The following NBEA variants were observed in gnomAD, a reference collection of about 807,000 sequenced individuals.
NBEA encodes neurobeachin.
Under a neutral mutation model 343.4 loss-of-function variants are expected in NBEA, and 44 were observed. The ratio of observed to expected loss-of-function variants is 0.13; its 90% CI spans 0.10 to 0.16. The LOEUF (loss-of-function observed/expected upper bound fraction) is 0.16, where lower values mean the gene tolerates loss of function less well. Among genes scored for constraint, NBEA ranks in the 10% least tolerant of loss-of-function variants. NBEA has a pLI of 1.00. For synonymous variants in NBEA, 1,175 were observed against 1,238.7 expected, an observed-to-expected ratio of 0.95 and a Z score of 1.08; for missense variants, 2,555 against 3,631.3, an observed-to-expected ratio of 0.70 and a Z score of 7.62.
chr13:35,646,020 C>G, intron 50 of NBEA, 89 bp downstream of exon 50: 1 of 873,824 alleles, frequency 1.1e-6, no homozygotes, highest in South Asian at 1.7e-5. Context: ...CATTTAACCC[C>G]AGCTTCTGGG....
At chr13:35,153,861 C>A (rs2068962810) in intron 18 of NBEA, among the ~76,000 whole-genome samples, 1 of 152,128 alleles carries the variant, frequency 6.6e-6, no homozygotes, top group Non-Finnish European at 1.5e-5. Flanking sequence ...GGATCTCATC[C>A]ACTGGGCTAT....
intron 31 of NBEA, among the ~76,000 whole-genome samples, chr13:35,204,270 TTTG>T (rs1168206772): frequency 1.3e-5 from 2 of 152,116 alleles, no homozygotes; most frequent in Admixed American, 1.3e-4. Flanking sequence ...ACTGTATTAG[TTTG>T]TTTTCACACT....
chr13:35,092,828 C>A (rs1014551205), intron 10 of NBEA, among the ~76,000 whole-genome samples: 2 of 151,958 alleles, frequency 1.3e-5, no homozygotes, highest in African/African-American at 4.8e-5. Context: ...TATAGTTCAG[C>A]CTTTCTACTC....
At chr13:35,518,064 A>G (rs909576669) in intron 41 of NBEA, among the ~76,000 whole-genome samples, 5 of 152,246 alleles carry the variant, frequency 3.3e-5, no homozygotes, top group African/African-American at 1.2e-4. Context: ...ATTTATTATC[A>G]TAATAGTTAC....
chr13:35,351,278 T>A (rs1270231110), intron 37 of NBEA, among the ~76,000 whole-genome samples: 1 of 151,998 alleles, frequency 6.6e-6, no homozygotes, highest in East Asian at 1.9e-4. Context: ...TTATATTACT[T>A]GTATTACACA....
intron 17 of NBEA, among the ~76,000 whole-genome samples, chr13:35,136,820 T>A (rs1486733415): frequency 6.6e-6 from 1 of 152,106 alleles, no homozygotes; most frequent in Admixed American, 6.6e-5. Context: ...TTGAATGGCA[T>A]CCCCAGTCAA....
chr13:35,214,732 T>G (rs2073968966), intron 33 of NBEA, among the ~76,000 whole-genome samples: 1 of 151,828 alleles, frequency 6.6e-6, no homozygotes, highest in Non-Finnish European at 1.5e-5. Context: ...CTTTTATGAT[T>G]TGTGCCATTT....
chr13:35,301,309 A>T (rs976237797), intron 35 of NBEA, among the ~76,000 whole-genome samples: 2 of 151,930 alleles, frequency 1.3e-5, no homozygotes, highest in Admixed American at 1.3e-4. Flanking sequence ...CGCATGCATT[A>T]GGTATTTGTC....
At chr13:35,353,287 T>G (rs1245720845) in intron 38 of NBEA, among the ~76,000 whole-genome samples, 1 of 152,036 alleles carries the variant, frequency 6.6e-6, no homozygotes, top group African/African-American at 2.4e-5. Flanking sequence ...ACACAAAAAT[T>G]AGCCAGGCGT....
chr13:35,633,780 G>T (rs556246088), intron 49 of NBEA, among the ~76,000 whole-genome samples: 84 of 152,034 alleles, frequency 5.5e-4, no homozygotes, highest in Non-Finnish European at 8.7e-4. Context: ...TATCTTAGAA[G>T]AACTTTTGTT....
chr13:35,580,950 A>C (rs578027007), intron 45 of NBEA, among the ~76,000 whole-genome samples: 232 of 152,328 alleles, frequency 1.5e-3, no homozygotes, highest in African/African-American at 5.2e-3. Flanking sequence ...GAGAAGATTG[A>C]AAAAGATTAG....
chr13:35,116,520 A>T (rs982113486), intron 13 of NBEA, among the ~76,000 whole-genome samples: 1 of 152,088 alleles, frequency 6.6e-6, no homozygotes, highest in African/African-American at 2.4e-5. Context: ...TAGGGAAGAT[A>T]TTTCTTTTAT....
chr13:35,001,076 A>G (rs2061121122), intron 1 of NBEA, among the ~76,000 whole-genome samples: 1 of 152,066 alleles, frequency 6.6e-6, no homozygotes, highest in Admixed American at 6.6e-5. Context: ...AGTTGGGACT[A>G]TAGGTGCTTG....
intron 1 of NBEA, among the ~76,000 whole-genome samples, chr13:35,015,320 T>C (rs1385338413): frequency 1.3e-5 from 2 of 151,974 alleles, no homozygotes; most frequent in African/African-American, 2.4e-5. Flanking sequence ...TAATGAGTTA[T>C]TGAGAAACTA....
chr13:35,212,000 T>TAC (rs3048222), intron 33 of NBEA, among the ~76,000 whole-genome samples: 4,125 of 149,692 alleles, frequency 0.028, 71 homozygotes, highest in South Asian at 0.034. Context: ...TGTATACGTG[T>TAC]ACACACACAC....
intron 41 of NBEA, among the ~76,000 whole-genome samples, chr13:35,509,438 G>A (rs1403935593): frequency 6.6e-6 from 1 of 152,132 alleles, no homozygotes; most frequent in South Asian, 2.1e-4. Flanking sequence ...ATATGTAAGG[G>A]AATGGGGGCA....
chr13:34,965,734 A>G (rs2059800328), intron 1 of NBEA, among the ~76,000 whole-genome samples: 1 of 151,984 alleles, frequency 6.6e-6, no homozygotes, highest in Non-Finnish European at 1.5e-5. Context: ...AGTTGCCATG[A>G]TCAAGGTCTC....
chr13:35,517,033 A>G (rs1055417871), intron 41 of NBEA, among the ~76,000 whole-genome samples: 1 of 152,112 alleles, frequency 6.6e-6, no homozygotes, highest in African/African-American at 2.4e-5. Flanking sequence ...CTTAACATAT[A>G]CAGTCAAAAT....
chr13:35,456,668 T>C (rs2046596629), intron 40 of NBEA, among the ~76,000 whole-genome samples: 1 of 151,960 alleles, frequency 6.6e-6, no homozygotes, highest in African/African-American at 2.4e-5. Context: ...TTTATATAAA[T>C]TGGTAAGTGA....
Sources: gnomAD v4.1 joint callset for allele counts (sites outside exome capture counted in the v4.1 genomes callset) on GRCh38, gnomAD v4.1.1 for gene constraint, MANE v1.5 for transcripts, NCBI Gene and HGNC (gene_info 2026-07-23, HGNC 2026-07-21) for gene names.